EXOC4: variants seen among roughly 807,000 people sequenced by gnomAD.
The protein encoded by EXOC4 is SEC8-like 1.
EXOC4 carries 71 observed loss-of-function variants against 107.2 expected under a neutral mutation model. The ratio of observed to expected loss-of-function variants is 0.66; its 90% CI spans 0.55 to 0.81. The LOEUF (loss-of-function observed/expected upper bound fraction) is 0.81. Ranked by LOEUF, EXOC4 falls within the 30% of genes least tolerant of loss-of-function variation. EXOC4 has a pLI of 0.00. For missense variants in EXOC4, 1,108 were observed against 1,189.6 expected (o/e 0.93, Z 1.01); for synonymous variants, 456 against 441.2 (o/e 1.03, Z -0.42).
chr7:133,297,434 G>A (rs1794544005), intron 3 of EXOC4, among the ~76,000 whole-genome samples: 1 of 152,130 alleles, frequency 6.6e-6, no homozygotes. Flanking sequence ...TTTACAAGTG[G>A]TGACTATGTA....
At chr7:133,802,779 G>A (rs376566639) in intron 10 of EXOC4, among the ~76,000 whole-genome samples, 222 of 1,080 alleles carry the variant, frequency 0.21, 2 homozygotes, top group African/African-American at 0.3. Flanking sequence ...CCCGGGAGGC[G>A]GAGAGTTGCA....
At chr7:133,614,530 A>G (rs761940924) in intron 9 of EXOC4, among the ~76,000 whole-genome samples, 5 of 152,228 alleles carry the variant, frequency 3.3e-5, no homozygotes, top group Non-Finnish European at 7.4e-5. Flanking sequence ...GGAATCATAA[A>G]GACCTTTAAG....
At chr7:134,067,599 G>T (rs1796200508), downstream of EXOC4, among the ~76,000 whole-genome samples, 1 of 142,570 alleles carries the variant, frequency 7.0e-6, no homozygotes, top group South Asian at 2.3e-4. Flanking sequence ...TGAAAAAGAG[G>T]TAGTTCATCA....
intron 10 of EXOC4, among the ~76,000 whole-genome samples, chr7:133,673,856 CAT>C (rs1394550871): frequency 2.0e-5 from 3 of 152,188 alleles, no homozygotes; most frequent in Admixed American, 2.0e-4. Context: ...TGTACCAGCT[CAT>C]AATACTAAAC....
rs114967353 is a variant in EXOC4 at position 133,844,748 on chromosome 7, T to A, written c.1734+27204T>A. Among the ~76,000 whole-genome samples, 365 of 152,174 alleles carry A rather than the reference T, an allele frequency of 2.4e-3. 5 individuals are homozygous for A. Among genetic ancestry groups the A allele is most frequent in the African/African-American group, 8.2e-3 (341 of 41,534 alleles). The stretch of plus-strand genomic sequence containing the variant: ...TCTCATTGGCCATACCTCCCTACCA[T>A]GCTTCTATAGGTAGAACAACATCAA... On this transcript the variant is annotated intron_variant, in intron 11 of 17. Coordinates refer to ENST00000253861, the MANE Select transcript of EXOC4 (RefSeq NM_021807.4).
intron 10 of EXOC4, among the ~76,000 whole-genome samples, chr7:133,751,227 G>T (rs1795787589): frequency 6.6e-6 from 1 of 152,156 alleles, no homozygotes; most frequent in South Asian, 2.1e-4. Flanking sequence ...GTAGTTATTT[G>T]TAATTGCACT....
At chr7:134,002,771 C>CTCTA (rs1794559325) in intron 15 of EXOC4, among the ~76,000 whole-genome samples, 1 of 152,136 alleles carries the variant, frequency 6.6e-6, no homozygotes. Flanking sequence ...TGAGATACTG[C>CTCTA]TCTACATCTA....
chr7:133,956,726 A>C (rs1800827437), intron 14 of EXOC4, among the ~76,000 whole-genome samples: 1 of 152,226 alleles, frequency 6.6e-6, no homozygotes, highest in Non-Finnish European at 1.5e-5. Flanking sequence ...CTCACATAAC[A>C]GAACTTCAGC....
chr7:133,766,738 A>G (rs186499923), intron 10 of EXOC4, among the ~76,000 whole-genome samples: 2 of 152,108 alleles, frequency 1.3e-5, no homozygotes, highest in African/African-American at 4.8e-5. Context: ...TCAAAGACCT[A>G]ATTAGAAGTG....
chr7:133,400,495 G>A (rs903404816), intron 7 of EXOC4, among the ~76,000 whole-genome samples: 1 of 152,174 alleles, frequency 6.6e-6, no homozygotes, highest in Non-Finnish European at 1.5e-5. Flanking sequence ...ATTGACCAAA[G>A]ACTGTGTTTT....
At chr7:133,829,614 C>A (rs1050564539) in intron 11 of EXOC4, among the ~76,000 whole-genome samples, 1 of 152,216 alleles carries the variant, frequency 6.6e-6, no homozygotes, top group Non-Finnish European at 1.5e-5. Flanking sequence ...GTCTGACTTT[C>A]TCGGATAAAT....
At chr7:133,727,809 A>G (rs1311360708) in intron 10 of EXOC4, 1 of 152,286 alleles carries the variant, frequency 6.6e-6, no homozygotes, top group Non-Finnish European at 1.5e-5. Context: ...AGGAAAAGTT[A>G]TAACAAGATT....
intron 10 of EXOC4, among the ~76,000 whole-genome samples, chr7:133,801,226 A>G (rs1462660281): frequency 6.6e-6 from 1 of 152,154 alleles, no homozygotes; most frequent in African/African-American, 2.4e-5. Context: ...ATTTTCTCTC[A>G]CTAATGGTCT....
the EXOC4 span, among the ~76,000 whole-genome samples, chr7:134,092,793 C>T: frequency 1.8e-4 from 27 of 151,870 alleles, no homozygotes; most frequent in South Asian, 5.0e-3. Context: ...TGTGGTGGTA[C>T]AAGCCTGTAA....
chr7:133,948,366 G>A (rs559561682), intron 14 of EXOC4, among the ~76,000 whole-genome samples: 2 of 152,316 alleles, frequency 1.3e-5, no homozygotes, highest in African/African-American at 4.8e-5. Flanking sequence ...AAAATGCAGT[G>A]GGTGAGGGAG....
At chr7:133,398,318 A>C (rs1392344962) in intron 7 of EXOC4, among the ~76,000 whole-genome samples, 1 of 152,200 alleles carries the variant, frequency 6.6e-6, no homozygotes. Context: ...TTCATAACTA[A>C]GCTTAAATGC....
intron 10 of EXOC4, among the ~76,000 whole-genome samples, chr7:133,708,351 T>C (rs571822088): frequency 2.0e-5 from 3 of 152,350 alleles, no homozygotes; most frequent in African/African-American, 7.2e-5. Flanking sequence ...AACATTGATA[T>C]GAAACAATTC....
chr7:134,036,421 C>G (rs1277426344), intron 17 of EXOC4, among the ~76,000 whole-genome samples: 1 of 152,122 alleles, frequency 6.6e-6, no homozygotes, highest in Non-Finnish European at 1.5e-5. Context: ...AACCCCATCT[C>G]TATCAAAAAT....
intron 15 of EXOC4, 52 bp from the exon 16 acceptor site, chr7:134,004,860 C>A: frequency 6.7e-7 from 1 of 1,486,556 alleles, no homozygotes; most frequent in Non-Finnish European, 9.2e-7. Context: ...GATCATTGCC[C>A]TCCCTGGAAG....
Sources: gnomAD v4.1 joint callset for allele counts (sites outside exome capture counted in the v4.1 genomes callset) on GRCh38, gnomAD v4.1.1 for gene constraint, MANE v1.5 for transcripts, NCBI Gene and HGNC (gene_info 2026-07-23, HGNC 2026-07-21) for gene names.